DLGAP1: variants seen among roughly 807,000 people sequenced by gnomAD.
The protein encoded by DLGAP1 is disks large-associated protein 1.
Under a neutral mutation model 90.8 loss-of-function variants are expected in DLGAP1, and 11 were observed. The observed-to-expected ratio is 0.12, with a 90% CI of 0.08 to 0.20. The LOEUF is 0.20. DLGAP1 is among the 10% of genes least tolerant of loss of function. The pLI is 1.00. For synonymous variants in DLGAP1, 558 were observed against 540.7 expected, an observed-to-expected ratio of 1.03 and a Z score of -0.44; for missense variants, 1,050 against 1,333.8, an observed-to-expected ratio of 0.79 and a Z score of 3.31.
At chr18:3,889,856 G>A (rs73374563) in intron 3 of DLGAP1, among the ~76,000 whole-genome samples, 45 of 152,352 alleles carry the variant, frequency 3.0e-4, no homozygotes, top group African/African-American at 1.1e-3. Flanking sequence ...CTATTGAACT[G>A]TGGGGCAGCG....
chr18:4,410,027 A>G (rs572830274), intron 1 of DLGAP1, among the ~76,000 whole-genome samples: 1 of 152,342 alleles, frequency 6.6e-6, no homozygotes, highest in East Asian at 1.9e-4. Context: ...GAGATCGGAG[A>G]CTATTATTCT....
chr18:4,337,234 C>T (rs1378956583), intron 1 of DLGAP1, among the ~76,000 whole-genome samples: 3 of 140,334 alleles, frequency 2.1e-5, no homozygotes, highest in Admixed American at 7.4e-5. Flanking sequence ...CACTTTGTCA[C>T]CCAAGTTGGA....
chr18:3,541,490 C>T (rs1168494781), intron 9 of DLGAP1, among the ~76,000 whole-genome samples: 4 of 152,138 alleles, frequency 2.6e-5, no homozygotes, highest in African/African-American at 9.7e-5. Flanking sequence ...AGGGTGGGTA[C>T]TGGGCTGTGA....
rs549239632 is a variant in DLGAP1, at chr18:4,032,617, C to G, written c.-158-27416G>C. The stretch of plus-strand genomic sequence containing the variant: ...AAAGCCTGTCCCTAGAGAGTTTCTA[C>G]AGCAGGGCCGGCTAAAATCCAGGGG... On this transcript the variant is annotated intron_variant, in intron 2 of 12. Coordinates refer to ENST00000315677, the MANE Select transcript of DLGAP1 (RefSeq NM_004746.4). Among the ~76,000 whole-genome samples, 13 of 152,238 alleles carry G rather than the reference C, an allele frequency of 8.5e-5. No homozygotes were observed. The East Asian group carries it at 2.5e-3, about 29-fold the overall frequency.
At chr18:4,348,322 C>G (rs561042310) in intron 1 of DLGAP1, among the ~76,000 whole-genome samples, 1 of 151,048 alleles carries the variant, frequency 6.6e-6, no homozygotes, top group Admixed American at 6.6e-5. Flanking sequence ...AGAGGAGTTA[C>G]AAGTAATGGA....
intron 5 of DLGAP1, among the ~76,000 whole-genome samples, 188 bp downstream of exon 5, chr18:3,813,871 C>T (rs1339601621): frequency 6.6e-6 from 1 of 152,042 alleles, no homozygotes; most frequent in African/African-American, 2.4e-5. Flanking sequence ...CAATGCAGAA[C>T]ACATCTGTTG....
At chr18:4,445,314 T>C (rs1410001532) in intron 1 of DLGAP1, among the ~76,000 whole-genome samples, 3 of 151,166 alleles carry the variant, frequency 2.0e-5, no homozygotes, top group Non-Finnish European at 4.4e-5. Flanking sequence ...TTTTTTATTA[T>C]ACTTTAAGTT....
chr18:4,059,024 A>C (rs1383351332), intron 2 of DLGAP1, among the ~76,000 whole-genome samples: 2 of 152,222 alleles, frequency 1.3e-5, no homozygotes, highest in African/African-American at 4.8e-5. Context: ...CTAACAGATT[A>C]CCATGAGAAC....
At chr18:3,529,274 G>T (rs1429255768) in intron 10 of DLGAP1, among the ~76,000 whole-genome samples, 2 of 152,162 alleles carry the variant, frequency 1.3e-5, no homozygotes, top group Non-Finnish European at 2.9e-5. Context: ...TGCCTCCATC[G>T]TGAGGCTGCA....
intron 1 of DLGAP1, among the ~76,000 whole-genome samples, chr18:4,388,467 T>C (rs562728812): frequency 6.6e-6 from 1 of 152,180 alleles, no homozygotes; most frequent in African/African-American, 2.4e-5. Context: ...AAGAAAGCCA[T>C]TGGAGCTGCG....
chr18:4,230,897 C>A (rs1196931437), intron 1 of DLGAP1, among the ~76,000 whole-genome samples: 2 of 151,350 alleles, frequency 1.3e-5, no homozygotes, highest in Non-Finnish European at 2.9e-5. Flanking sequence ...AATAGATACA[C>A]CTACTACATA....
chr18:4,308,287 T>C (rs1215460151), intron 1 of DLGAP1, among the ~76,000 whole-genome samples: 2 of 152,224 alleles, frequency 1.3e-5, no homozygotes, highest in African/African-American at 4.8e-5. Flanking sequence ...GCAGAGGTAC[T>C]CTATAACTGT....
In DLGAP1 at chr18:4,154,645, G is replaced by A. The variant is rs966940317; in HGVS notation, c.-266-3358C>T. Reference sequence around the variant, plus strand: ...AGTGTGATAAAGTGGAGAAGGTCCCGATCAGGAAGTCCTCTTTTCATCTCA... The same window carrying A: ...AGTGTGATAAAGTGGAGAAGGTCCCAATCAGGAAGTCCTCTTTTCATCTCA... On this transcript the variant is annotated intron_variant, in intron 1 of 12. Coordinates refer to ENST00000315677, the MANE Select transcript of DLGAP1 (RefSeq NM_004746.4). 2.0e-4 allele frequency among the ~76,000 whole-genome samples: 30 copies of A among 152,230 alleles called. No homozygotes were observed. In the South Asian group the frequency reaches 2.1e-3, roughly 11 times the overall value.
chr18:3,547,921 A>G (rs1288010712), intron 9 of DLGAP1, among the ~76,000 whole-genome samples: 1 of 152,210 alleles, frequency 6.6e-6, no homozygotes, highest in Non-Finnish European at 1.5e-5. Flanking sequence ...CATAAAAAGG[A>G]ATTAAGTACT....
chr18:3,915,064 T>C (rs1404772095), intron 3 of DLGAP1, among the ~76,000 whole-genome samples: 2 of 152,164 alleles, frequency 1.3e-5, no homozygotes, highest in African/African-American at 4.8e-5. Context: ...TTGTAACAGG[T>C]GTGAGGTGGT....
intron 3 of DLGAP1, among the ~76,000 whole-genome samples, chr18:3,923,707 C>T (rs924153845): frequency 2.0e-5 from 3 of 152,128 alleles, no homozygotes; most frequent in Non-Finnish European, 4.4e-5. Flanking sequence ...CAATTTCTAT[C>T]GTGTGTCACT....
At chr18:4,089,239 T>C (rs2075731753) in intron 2 of DLGAP1, among the ~76,000 whole-genome samples, 1 of 152,070 alleles carries the variant, frequency 6.6e-6, no homozygotes, top group African/African-American at 2.4e-5. Flanking sequence ...GGAATACAAC[T>C]TACAAGGGAT....
At chr18:4,250,842 G>GA (rs1421994161) in intron 1 of DLGAP1, among the ~76,000 whole-genome samples, 1 of 151,440 alleles carries the variant, frequency 6.6e-6, no homozygotes, top group South Asian at 2.1e-4. Flanking sequence ...ACATGAAGCT[G>GA]AAAAAAGAAA....
chr18:4,038,413 C>T (rs1309815346), intron 2 of DLGAP1, among the ~76,000 whole-genome samples: 8 of 152,104 alleles, frequency 5.3e-5, no homozygotes, highest in Admixed American at 5.2e-4. Context: ...TCATATTTCA[C>T]AGCCAATAAC....
Sources: allele counts gnomAD v4.1 joint callset (sites outside exome capture counted in the v4.1 genomes callset), GRCh38; gene constraint gnomAD v4.1.1; transcripts MANE v1.5; gene names NCBI Gene and HGNC (gene_info 2026-07-23, HGNC 2026-07-21).